LRMDA: variants seen among roughly 807,000 people sequenced by gnomAD.
LRMDA encodes leucine rich melanocyte differentiation associated.
A neutral mutation model predicts 29.8 loss-of-function variants in LRMDA; 18 were observed. That is an observed-to-expected ratio of 0.60 (90% CI 0.42 to 0.90). LRMDA has a LOEUF of 0.90. Ranked by LOEUF, LRMDA falls within the 40% of genes least tolerant of loss-of-function variation. The probability of loss-of-function intolerance (pLI) is 0.00; values close to 1 mark genes in which losing one functional copy is unlikely to be tolerated. For missense variants in LRMDA, 273 were observed against 273.9 expected, an observed-to-expected ratio of 1.00 and a Z score of 0.02; for synonymous variants, 125 against 109.4, an observed-to-expected ratio of 1.14 and a Z score of -0.89.
intron 2 of LRMDA, among the ~76,000 whole-genome samples, chr10:75,863,327 AC>A (rs1469897799): frequency 6.6e-6 from 1 of 152,146 alleles, no homozygotes; most frequent in Non-Finnish European, 1.5e-5. Flanking sequence ...ATATAAGCCC[AC>A]TCTCTGAAAT....
At chr10:75,629,681 A>C (rs1260474972) in intron 2 of LRMDA, among the ~76,000 whole-genome samples, 1 of 152,196 alleles carries the variant, frequency 6.6e-6, no homozygotes, top group Non-Finnish European at 1.5e-5. Context: ...GTGAATTTTG[A>C]ATGGCATTTA....
At chr10:76,220,445 C>T (rs1021927940) in intron 5 of LRMDA, among the ~76,000 whole-genome samples, 3 of 152,078 alleles carry the variant, frequency 2.0e-5, no homozygotes, top group Non-Finnish European at 4.4e-5. Context: ...GATATCACCA[C>T]CGATCCCACA....
At chr10:75,805,938 A>G (rs1843844047) in intron 2 of LRMDA, among the ~76,000 whole-genome samples, 1 of 152,186 alleles carries the variant, frequency 6.6e-6, no homozygotes, top group Non-Finnish European at 1.5e-5. Flanking sequence ...ACTGGGTAAC[A>G]TAAGAAAAGA....
chr10:75,837,265 T>G (rs979889437), intron 2 of LRMDA, among the ~76,000 whole-genome samples: 1 of 152,128 alleles, frequency 6.6e-6, no homozygotes, highest in Non-Finnish European at 1.5e-5. Context: ...GTGATACAGA[T>G]AGTCACTACT....
At chr10:76,179,430 C>G (rs1898091) in intron 5 of LRMDA, among the ~76,000 whole-genome samples, 43,595 of 151,888 alleles carry the variant, frequency 0.29, 7,833 homozygotes, top group East Asian at 0.78. Flanking sequence ...TGGCTGATGA[C>G]CAGTTCCATA....
chr10:76,299,822 C>T (rs760418465), intron 5 of LRMDA, among the ~76,000 whole-genome samples: 3 of 152,078 alleles, frequency 2.0e-5, no homozygotes, highest in Non-Finnish European at 4.4e-5. Flanking sequence ...GAAAGATGTC[C>T]GTCTTCATTG....
At chr10:76,019,992 C>G (rs7916249) in intron 2 of LRMDA, among the ~76,000 whole-genome samples, 1 of 152,016 alleles carries the variant, frequency 6.6e-6, no homozygotes, top group Non-Finnish European at 1.5e-5. Context: ...TGGTCACTCC[C>G]CTTGATTCCA....
chr10:76,237,766 A>G (rs1262618161), intron 5 of LRMDA, among the ~76,000 whole-genome samples: 1 of 112,142 alleles, frequency 8.9e-6, no homozygotes, highest in African/African-American at 3.4e-5. Context: ...AAAACTTTCT[A>G]TTTAAAGGGA....
intron 2 of LRMDA, among the ~76,000 whole-genome samples, chr10:75,723,952 T>C (rs1266106018): frequency 3.9e-5 from 6 of 152,236 alleles, no homozygotes; most frequent in Admixed American, 1.3e-4. Flanking sequence ...ATTATTTGTA[T>C]GTTTTTTAAC....
chr10:76,439,062 T>C (rs1842274153), intron 6 of LRMDA, among the ~76,000 whole-genome samples: 2 of 152,240 alleles, frequency 1.3e-5, no homozygotes, highest in South Asian at 4.1e-4. Context: ...AGTATTTGAT[T>C]TGTAAAATAT....
intron 2 of LRMDA, among the ~76,000 whole-genome samples, chr10:75,499,499 A>G (rs1407226206): frequency 6.6e-6 from 1 of 152,248 alleles, no homozygotes; most frequent in Non-Finnish European, 1.5e-5. Flanking sequence ...AGATGATAAT[A>G]GCACTTTACT....
intron 6 of LRMDA, among the ~76,000 whole-genome samples, chr10:76,359,695 A>G (rs573877688): frequency 6.6e-6 from 1 of 152,316 alleles, no homozygotes; most frequent in Non-Finnish European, 1.5e-5. Flanking sequence ...CCACTTTCGT[A>G]AGTAATCAGG....
chr10:75,785,945 C>T (rs1452669993), intron 2 of LRMDA, among the ~76,000 whole-genome samples: 1 of 152,218 alleles, frequency 6.6e-6, no homozygotes, highest in East Asian at 1.9e-4. Flanking sequence ...CTGACCAACC[C>T]TAGCTTGGGC....
intron 2 of LRMDA, among the ~76,000 whole-genome samples, chr10:75,932,609 C>T (rs1174892425): frequency 1.3e-5 from 2 of 151,854 alleles, no homozygotes; most frequent in East Asian, 3.9e-4. Context: ...GAGACTCTAT[C>T]TCAAACAAAA....
chr10:75,567,252 G>A (rs1227931585), intron 2 of LRMDA, among the ~76,000 whole-genome samples: 1 of 152,100 alleles, frequency 6.6e-6, no homozygotes, highest in Non-Finnish European at 1.5e-5. Context: ...CAGGCATCAA[G>A]GCCTTCCACA....
At chr10:75,791,405 A>C (rs1393422391) in intron 2 of LRMDA, among the ~76,000 whole-genome samples, 1 of 152,248 alleles carries the variant, frequency 6.6e-6, no homozygotes, top group African/African-American at 2.4e-5. Context: ...ACAACCAAAC[A>C]AGGAAATTAT....
At chr10:75,995,284 T>C (rs1306275184) in intron 2 of LRMDA, among the ~76,000 whole-genome samples, 1 of 152,174 alleles carries the variant, frequency 6.6e-6, no homozygotes, top group Non-Finnish European at 1.5e-5. Context: ...TGCAGCTGCA[T>C]TCTGAGGAAG....
intron 5 of LRMDA, among the ~76,000 whole-genome samples, chr10:76,193,385 AT>A (rs1433409005): frequency 6.6e-6 from 1 of 152,176 alleles, no homozygotes; most frequent in Non-Finnish European, 1.5e-5. Flanking sequence ...TTTTAAAGTG[AT>A]TTCGGAAGTC....
At chr10:75,933,785 T>C (rs987167170) in intron 2 of LRMDA, among the ~76,000 whole-genome samples, 27 of 152,154 alleles carry the variant, frequency 1.8e-4, no homozygotes, top group African/African-American at 5.8e-4. Flanking sequence ...TGGGGATATG[T>C]TTTTTAGGTG....
Sources: gnomAD v4.1 joint callset for allele counts (sites outside exome capture counted in the v4.1 genomes callset) on GRCh38, gnomAD v4.1.1 for gene constraint, MANE v1.5 for transcripts, NCBI Gene and HGNC (gene_info 2026-07-23, HGNC 2026-07-21) for gene names.